Variants in RSPO2 observed in about 807,000 individuals in gnomAD.
RSPO2 encodes the protein R-spondin 2.
A neutral mutation model predicts 30.9 loss-of-function variants in RSPO2; 14 were observed. The observed-to-expected ratio is 0.45, with a 90% CI of 0.30 to 0.71. The LOEUF is 0.71. Among genes scored for constraint, RSPO2 ranks in the 30% least tolerant of loss-of-function variants. The probability of loss-of-function intolerance (pLI) is 0.08; values close to 1 mark genes in which losing one functional copy is unlikely to be tolerated. For synonymous variants in RSPO2, 107 were observed against 96.4 expected (o/e 1.11, Z -0.64); for missense variants, 264 against 301.9 (o/e 0.87, Z 0.93).
rs192769855 is a variant in RSPO2 at position 107,975,980 on chromosome 8, G to A, written c.283+13076C>T. 1.5e-3 allele frequency among the ~76,000 whole-genome samples: 226 copies of A among 152,310 alleles called. 2 individuals carry two copies. Among genetic ancestry groups the A allele is most frequent in the Middle Eastern group, 3.4e-3 (1 of 294 alleles). On this transcript the variant is annotated intron_variant, in intron 3 of 5. Transcript: ENST00000276659. The stretch of plus-strand genomic sequence containing the variant: ...TGACGGCCAGGGTATTAACCAGCTG[G>A]TAGCCACTCCTGCATAGTGATGTAA...
chr8:108,067,508 C>T (rs931612879), intron 2 of RSPO2, among the ~76,000 whole-genome samples: 2 of 152,210 alleles, frequency 1.3e-5, no homozygotes, highest in African/African-American at 4.8e-5. Flanking sequence ...AATATTTGTT[C>T]AGCCTGGGTG....
chr8:108,022,000 C>A (rs1463460922), intron 2 of RSPO2, among the ~76,000 whole-genome samples: 1 of 152,128 alleles, frequency 6.6e-6, no homozygotes. Context: ...GAGAGAGGAA[C>A]TGCCATCCAT....
At chr8:108,047,876 A>T (rs1811954037) in intron 2 of RSPO2, among the ~76,000 whole-genome samples, 1 of 150,986 alleles carries the variant, frequency 6.6e-6, no homozygotes, top group African/African-American at 2.4e-5. Flanking sequence ...AAAAAGCAGC[A>T]GCAGCAGCCT....
At chr8:107,948,887 A>AAATAAATG (rs1233749378) in intron 5 of RSPO2, among the ~76,000 whole-genome samples, 1 of 151,498 alleles carries the variant, frequency 6.6e-6, no homozygotes, top group Non-Finnish European at 1.5e-5. Flanking sequence ...ATAAATAAAT[A>AAATAAATG]AAAATCTATT....
At chr8:108,082,132 A>G (rs568177888) in intron 2 of RSPO2, among the ~76,000 whole-genome samples, 62 of 152,294 alleles carry the variant, frequency 4.1e-4, no homozygotes, top group Admixed American at 1.6e-3. Context: ...GATGGGGAAG[A>G]TAAAACAAAT....
chr8:107,933,003 T>C lies in RSPO2; in HGVS notation c.616+25077A>G, dbSNP rs1001715596. On this transcript the variant is annotated intron_variant, in intron 5 of 5. Coordinates refer to ENST00000276659, the MANE Select transcript of RSPO2 (RefSeq NM_178565.5). Reference sequence around the variant, plus strand: ...ATTAGTATGCTTTTCATGTCTACTTTATGTGGGTGGCTGAAAGGACAGATC... The same window carrying C: ...ATTAGTATGCTTTTCATGTCTACTTCATGTGGGTGGCTGAAAGGACAGATC... Among the ~76,000 whole-genome samples the C allele has an allele frequency of 7.2e-5, 11 of 152,148 alleles. No homozygotes were observed. In the East Asian group the frequency reaches 2.1e-3, roughly 29 times the overall value.
chr8:108,030,914 T>A (rs1259343022), intron 2 of RSPO2, among the ~76,000 whole-genome samples: 1 of 152,212 alleles, frequency 6.6e-6, no homozygotes, highest in Non-Finnish European at 1.5e-5. Context: ...TCACATTCAT[T>A]GAAATCACTG....
At chr8:108,011,688 C>A (rs1248613900) in intron 2 of RSPO2, among the ~76,000 whole-genome samples, 1 of 152,126 alleles carries the variant, frequency 6.6e-6, no homozygotes, top group African/African-American at 2.4e-5. Flanking sequence ...CCTAAAAGAA[C>A]AAAGTAGAAT....
At chr8:108,081,812 CT>C in intron 2 of RSPO2, 2 of 699,132 alleles carry the variant, frequency 2.9e-6, no homozygotes, top group Non-Finnish European at 3.5e-6. Context: ...ACCGGTGTGG[CT>C]GCTTTTGCAA....
At chr8:107,963,304 G>T (rs905263400) in intron 3 of RSPO2, among the ~76,000 whole-genome samples, 2 of 151,554 alleles carry the variant, frequency 1.3e-5, no homozygotes, top group African/African-American at 4.8e-5. Context: ...GGAGGCCAAG[G>T]CAATGCATCA....
At chr8:107,927,382 C>T (rs1812414758) in intron 5 of RSPO2, among the ~76,000 whole-genome samples, 3 of 152,104 alleles carry the variant, frequency 2.0e-5, no homozygotes, top group Admixed American at 6.6e-5. Flanking sequence ...ATTGAATACC[C>T]TTTATTTCTT....
intron 5 of RSPO2, among the ~76,000 whole-genome samples, chr8:107,928,050 A>C (rs781276132): frequency 4.6e-5 from 7 of 152,168 alleles, no homozygotes; most frequent in African/African-American, 9.6e-5. Context: ...CATCTGCTCT[A>C]TATATATGCC....
At chr8:107,982,720 T>A (rs913604610) in intron 3 of RSPO2, among the ~76,000 whole-genome samples, 1 of 152,062 alleles carries the variant, frequency 6.6e-6, no homozygotes, top group African/African-American at 2.4e-5. Flanking sequence ...ATGAAATGGC[T>A]CATATGAAGG....
intron 5 of RSPO2, among the ~76,000 whole-genome samples, chr8:107,921,653 AAG>A (rs998158062): frequency 6.6e-6 from 1 of 152,070 alleles, no homozygotes; most frequent in Non-Finnish European, 1.5e-5. Context: ...GACAAGAAAA[AAG>A]AGAAAACTTC....
intron 3 of RSPO2, among the ~76,000 whole-genome samples, chr8:107,979,796 C>T (rs1249490848): frequency 1.3e-5 from 2 of 152,226 alleles, no homozygotes; most frequent in East Asian, 3.9e-4. Context: ...TCTCTTCCTC[C>T]CCACCTCAAG....
intron 3 of RSPO2, among the ~76,000 whole-genome samples, chr8:107,967,237 T>C (rs990358887): frequency 6.6e-6 from 1 of 152,208 alleles, no homozygotes; most frequent in Non-Finnish European, 1.5e-5. Flanking sequence ...AATTTTCACA[T>C]GGAAAGCACT....
intron 2 of RSPO2, among the ~76,000 whole-genome samples, chr8:108,038,364 C>G (rs1811657786): frequency 6.6e-6 from 1 of 152,074 alleles, no homozygotes; most frequent in Non-Finnish European, 1.5e-5. Flanking sequence ...TATGGATAAG[C>G]AAAGAAAGTG....
At chr8:107,937,535 AT>A (rs1554574006) in intron 5 of RSPO2, among the ~76,000 whole-genome samples, 4 of 149,482 alleles carry the variant, frequency 2.7e-5, no homozygotes, top group Non-Finnish European at 4.5e-5. Context: ...ATCTGAAGGC[AT>A]TTTTTTTCCT....
At position 107,958,149 on chromosome 8, in the gene RSPO2, C is replaced by T. The variant is rs754851458; in HGVS notation, c.547G>A (p.Asp183Asn). Residue 183 changes from aspartate to asparagine, a missense_variant, in exon 5 of 6, where the codon GAC becomes AAC. Coordinates refer to ENST00000276659, the MANE Select transcript of RSPO2 (RefSeq NM_178565.5). ...GCAATGGTTGGACACAGTATTGTGT[C>T]TTTCACTGGCTTTTTAACAATTTGC... ...TRQIVKKPVK[D>N]TILCPTIAES... is the part of the protein sequence containing the mutation. 6.8e-6 allele frequency: 11 copies of T among 1,613,864 alleles called. No homozygotes were observed. The highest frequency in any genetic ancestry group is 1.3e-5 in the African/African-American group (1 of 75,016).
Sources: gnomAD v4.1 joint callset for allele counts (sites outside exome capture counted in the v4.1 genomes callset) on GRCh38, gnomAD v4.1.1 for gene constraint, MANE v1.5 for transcripts, NCBI Gene and HGNC (gene_info 2026-07-23, HGNC 2026-07-21) for gene names.